The following SHANK2 variants were observed in gnomAD, a reference collection of about 807,000 sequenced individuals.
The protein encoded by SHANK2 is SH3 and multiple ankyrin repeat domains 2.
A neutral mutation model predicts 133.7 loss-of-function variants in SHANK2; 43 were observed. The observed-to-expected ratio is 0.32, with a 90% CI of 0.25 to 0.41. The LOEUF is 0.41. Ranked by LOEUF, SHANK2 falls within the 10% of genes least tolerant of loss-of-function variation. The pLI is 1.00. For missense variants in SHANK2, 1,994 were observed against 2,235.8 expected (o/e 0.89, Z 2.18); for synonymous variants, 1,017 against 952.8 (o/e 1.07, Z -1.24).
chr11:70,889,453 G>A (rs1235802536), intron 11 of SHANK2, among the ~76,000 whole-genome samples: 2 of 152,150 alleles, frequency 1.3e-5, no homozygotes, highest in African/African-American at 4.8e-5. Context: ...GGCAGCCCCG[G>A]GAACCGGGTA....
chr11:70,797,278 C>T (rs567917969), intron 14 of SHANK2, among the ~76,000 whole-genome samples: 6 of 152,330 alleles, frequency 3.9e-5, no homozygotes, highest in Admixed American at 2.6e-4. Flanking sequence ...TCCAGAAAAA[C>T]ACACTCCCTC....
At chr11:70,904,357 T>G (rs1172647098) in intron 10 of SHANK2, among the ~76,000 whole-genome samples, 3 of 152,082 alleles carry the variant, frequency 2.0e-5, no homozygotes, top group Non-Finnish European at 4.4e-5. Flanking sequence ...TGCAATCCCA[T>G]GCCATCACCT....
intron 17 of SHANK2, among the ~76,000 whole-genome samples, chr11:70,650,084 C>G (rs782737987): frequency 1.5e-4 from 23 of 152,192 alleles, no homozygotes; most frequent in Non-Finnish European, 2.8e-4. Flanking sequence ...CATGGAAGCA[C>G]ACGGTGTGAG....
chr11:70,639,099 G>A (rs781895758), intron 17 of SHANK2, among the ~76,000 whole-genome samples: 41 of 152,190 alleles, frequency 2.7e-4, no homozygotes, highest in Non-Finnish European at 5.7e-4. Context: ...TGCTGGGAAG[G>A]GCTTCCCCTG....
intron 25 of SHANK2, chr11:70,477,183 C>T (rs1165490565): frequency 6.6e-6 from 1 of 152,202 alleles, no homozygotes; most frequent in East Asian, 1.9e-4. Context: ...TCTGTTAACA[C>T]CGGTCATGGG....
At position 71,094,677 on chromosome 11, in the gene SHANK2, T is replaced by C; in HGVS notation, c.604A>G (p.Thr202Ala). 6.4e-7 allele frequency: 1 copy of C among 1,551,588 alleles called. No homozygotes were observed. The highest frequency in any genetic ancestry group is 1.4e-5 in the African/African-American group (1 of 73,128). ...HDPETGETPL[T>A]LAAQLDDSVE... Reference sequence around the variant, plus strand: ...GAGTCGTCCAGCTGAGCGGCTAAGGTCAGGGGGGTCTCTGAGGAACCCAAA... The same window carrying C: ...GAGTCGTCCAGCTGAGCGGCTAAGGCCAGGGGGGTCTCTGAGGAACCCAAA... Residue 202 changes from threonine to alanine, a missense_variant, in exon 7 of 26, where the codon ACC becomes GCC. Coordinates refer to ENST00000601538, the MANE Select transcript of SHANK2 (RefSeq NM_012309.5).
chr11:70,885,336 G>T (rs1388046030), intron 11 of SHANK2, among the ~76,000 whole-genome samples: 3 of 152,228 alleles, frequency 2.0e-5, no homozygotes, highest in African/African-American at 7.2e-5. Context: ...GGAGCAAAGA[G>T]CTGGGAGAAG....
At chr11:71,098,850 A>ATG (rs1590909717) in intron 6 of SHANK2, among the ~76,000 whole-genome samples, 1 of 152,076 alleles carries the variant, frequency 6.6e-6, no homozygotes, top group African/African-American at 2.4e-5. Context: ...CGATCCCCTT[A>ATG]TGTGTGGGCT....
chr11:70,587,698 G>GTT (rs34539549), intron 17 of SHANK2, among the ~76,000 whole-genome samples: 17,259 of 119,558 alleles, frequency 0.14, 1,439 homozygotes, highest in East Asian at 0.21. Context: ...AGCACGTCCA[G>GTT]TTTTTTTTTT....
chr11:70,782,303 C>T (rs954778030), intron 14 of SHANK2, among the ~76,000 whole-genome samples: 5 of 152,248 alleles, frequency 3.3e-5, no homozygotes, highest in African/African-American at 9.6e-5. Context: ...GTGATCAGCT[C>T]GCCTTGGCCT....
chr11:70,868,998 T>C (rs1322703141), intron 11 of SHANK2, among the ~76,000 whole-genome samples: 1 of 152,116 alleles, frequency 6.6e-6, no homozygotes, highest in African/African-American at 2.4e-5. Context: ...TATAGGGAGA[T>C]GGGCTTTAAA....
At chr11:70,775,778 T>C (rs977923159) in intron 14 of SHANK2, among the ~76,000 whole-genome samples, 9 of 152,244 alleles carry the variant, frequency 5.9e-5, no homozygotes, top group African/African-American at 2.2e-4. Context: ...ACTCTACATA[T>C]GCCTGTCTTA....
intron 17 of SHANK2, among the ~76,000 whole-genome samples, chr11:70,639,472 A>G (rs952997716): frequency 2.6e-5 from 4 of 151,966 alleles, no homozygotes; most frequent in Non-Finnish European, 5.9e-5. Context: ...CTCATGAGGG[A>G]CCCACCTTCA....
At chr11:70,625,443 C>T (rs2060891530) in intron 17 of SHANK2, among the ~76,000 whole-genome samples, 1 of 152,128 alleles carries the variant, frequency 6.6e-6, no homozygotes, top group Admixed American at 6.5e-5. Context: ...CCATAAATCA[C>T]ACTGTCAGAC....
rs2058829550 is a variant in SHANK2 at position 70,487,594 on chromosome 11, G to A, written c.2699C>T (p.Pro900Leu). Reference protein sequence around the residue: ...PPQSVPPSPPPPSPTTYNCPK... With the variant: ...PPQSVPPSPPLPSPTTYNCPK... ...GCAGTTGTAAGTGGTTGGGGAAGGT[G>A]GTGGTGGGGACGGGGGCACAGACTG... The change falls in exon 25 of 26, where the codon CCA becomes CTA. Residue 900 changes from proline (P) to leucine (L), a missense_variant. Pro to Leu is a moderately conservative substitution (Grantham distance 98, BLOSUM62 -3). This residue lies in a region of SHANK2 where 488 missense variants were observed against 642.6 expected (regional missense o/e 0.76). Transcript: ENST00000601538. The surrounding 1 kb of genome is among the most constrained non-coding windows in gnomAD (Gnocchi z 5.8). 1 of 1,612,714 alleles carries A rather than the reference G, an allele frequency of 6.2e-7. No individual in the cohort carries two copies. Among genetic ancestry groups the A allele is most frequent in the Non-Finnish European group, 8.5e-7 (1 of 1,179,456 alleles).
intron 3 of SHANK2, among the ~76,000 whole-genome samples, chr11:71,135,819 G>A (rs1310116294): frequency 3.9e-5 from 6 of 152,088 alleles, no homozygotes; most frequent in Non-Finnish European, 8.8e-5. Context: ...GCTCAGCGGT[G>A]GCCACGGTGT....
intron 17 of SHANK2, among the ~76,000 whole-genome samples, chr11:70,539,182 T>C (rs1554974722): frequency 6.6e-6 from 1 of 152,090 alleles, no homozygotes. Flanking sequence ...AGAGGCCGGA[T>C]GGCAGAGCGT....
intron 16 of SHANK2, 142 bp from the exon 17 acceptor site, chr11:70,660,094 C>G (rs565503394): frequency 1.3e-4 from 138 of 1,024,338 alleles, no homozygotes; most frequent in Non-Finnish European, 2.0e-4. Context: ...AACTCTCCCC[C>G]AGGAAGGGCT....
In SHANK2 at chr11:70,502,896, C is replaced by T; in HGVS notation, c.2097G>A (p.Arg699=). The change falls in exon 18 of 26, where the codon AGG becomes AGA. Residue 699 remains arginine, a synonymous_variant. Transcript: ENST00000601538. Reference sequence around the variant, plus strand: ...CCTGCCGGATCATGTTCACCACCTGCCTGTGGCCGACTTTGACAACATTCT... The same window carrying T: ...CCTGCCGGATCATGTTCACCACCTGTCTGTGGCCGACTTTGACAACATTCT... ...NNENVVKVGH[R]QVVNMIRQGG... The T allele has an allele frequency of 6.2e-7, 1 of 1,614,176 alleles. No homozygotes were observed. Among genetic ancestry groups the T allele is most frequent in the Non-Finnish European group, 8.5e-7 (1 of 1,180,036 alleles).
Sources: gnomAD v4.1 joint callset for allele counts (sites outside exome capture counted in the v4.1 genomes callset) on GRCh38, gnomAD v4.1.1 for gene constraint, gnomAD v4.1.1 regional missense constraint, Gnocchi (gnomAD v3.1) non-coding constraint, MANE v1.5 for transcripts, NCBI Gene and HGNC (gene_info 2026-07-23, HGNC 2026-07-21) for gene names.